EIF4G3: variants seen among roughly 807,000 people sequenced by gnomAD.
EIF4G3 encodes eIF-4-gamma 3.
Under a neutral mutation model 186.4 loss-of-function variants are expected in EIF4G3, and 34 were observed. The ratio of observed to expected loss-of-function variants is 0.18; its 90% CI spans 0.14 to 0.24. The LOEUF (loss-of-function observed/expected upper bound fraction) is 0.24. EIF4G3 is among the 10% of genes least tolerant of loss of function. EIF4G3 has a pLI of 1.00. For synonymous variants in EIF4G3, 673 were observed against 679.5 expected, an observed-to-expected ratio of 0.99 and a Z score of 0.15; for missense variants, 1,536 against 1,948.5, an observed-to-expected ratio of 0.79 and a Z score of 3.99.
chr1:21,051,469 G>C lies in EIF4G3; in HGVS notation c.-195-475C>G, dbSNP rs551178704. Among the ~76,000 whole-genome samples, 3 of 152,180 alleles carry C rather than the reference G, an allele frequency of 2.0e-5. No homozygotes were observed. The East Asian group carries it at 5.8e-4, about 29-fold the overall frequency. ...GACTTATGGACGTATACACTAAAAA[G>C]GGTGAATTTTACTAAATTACATCTC... On this transcript the variant is annotated intron_variant, in intron 3 of 36. Transcript: ENST00000602326.
intron 2 of EIF4G3, 146 bp from the exon 3 acceptor site, chr1:21,089,359 A>G: frequency 1.7e-6 from 1 of 595,150 alleles, no homozygotes; most frequent in East Asian, 2.9e-5. Flanking sequence ...TAAAAACCAA[A>G]TGTTTCAAAT....
intron 14 of EIF4G3, among the ~76,000 whole-genome samples, chr1:20,926,850 G>A (rs895131820): frequency 2.6e-5 from 4 of 151,700 alleles, no homozygotes; most frequent in South Asian, 2.1e-4. Context: ...AAAAGCTCTC[G>A]GGGATAACAG....
In EIF4G3 at chr1:20,849,542, GCCCCC is replaced by G. The variant is rs752046857; in HGVS notation, c.3773-17_3773-13del. The G allele has an allele frequency of 1.4e-6, 2 of 1,387,654 alleles. No homozygotes were observed. Among genetic ancestry groups the G allele is most frequent in the African/African-American group, 3.0e-5 (2 of 66,800 alleles). 86.0% of individuals were successfully genotyped at this position (1,387,654 alleles called of 1,614,324 possible). A position where few individuals can be genotyped will look rare whatever the true frequency, so the allele number is the denominator to read the frequency against. On this transcript the variant is annotated splice_polypyrimidine_tract_variant and intron_variant, in intron 28 of 36. Coordinates refer to ENST00000602326, the MANE Select transcript of EIF4G3 (RefSeq NM_001391906.1). ...AATTTCTGGTTTTGCTATTAGTGAG[GCCCCC>G]CAAAAAAAGTAAAAATAATAAAAAT...
intron 8 of EIF4G3, among the ~76,000 whole-genome samples, chr1:20,981,663 ACGCACATAC>A (rs2078217126): frequency 7.6e-6 from 1 of 132,216 alleles, no homozygotes; most frequent in African/African-American, 2.8e-5. Context: ...ATACATGTAT[ACGCACATAC>A]TGTATGTATA....
At chr1:20,874,058 T>A (rs1001348386) in intron 20 of EIF4G3, among the ~76,000 whole-genome samples, 5 of 152,224 alleles carry the variant, frequency 3.3e-5, no homozygotes, top group Non-Finnish European at 7.3e-5. Flanking sequence ...CCATGGTGTA[T>A]ATGTACCACA....
intron 6 of EIF4G3, among the ~76,000 whole-genome samples, chr1:21,000,303 G>T (rs2083216155): frequency 6.6e-6 from 1 of 152,104 alleles, no homozygotes; most frequent in Admixed American, 6.5e-5. Context: ...CTGAAGGAAG[G>T]ACAGAGGCCA....
At chr1:20,842,871 G>C (rs375693112) in intron 29 of EIF4G3, among the ~76,000 whole-genome samples, 1 of 148,520 alleles carries the variant, frequency 6.7e-6, no homozygotes, top group African/African-American at 2.5e-5. Context: ...AAGAGAGAAG[G>C]TCTCACTTAG....
intron 2 of EIF4G3, chr1:21,175,234 TG>T (rs937236955): frequency 2.0e-5 from 3 of 152,198 alleles, no homozygotes; most frequent in African/African-American, 7.2e-5. Context: ...GTGGAATACA[TG>T]AATTCAACGT....
chr1:21,021,314 TC>T (rs1301993877), intron 4 of EIF4G3, among the ~76,000 whole-genome samples: 1 of 152,050 alleles, frequency 6.6e-6, no homozygotes, highest in East Asian at 1.9e-4. Flanking sequence ...AGCTTCCCTT[TC>T]CCTTTTGAAA....
intron 12 of EIF4G3, among the ~76,000 whole-genome samples, chr1:20,962,797 C>A (rs986965660): frequency 6.6e-6 from 1 of 152,096 alleles, no homozygotes; most frequent in African/African-American, 2.4e-5. Context: ...TACTCTCAAC[C>A]CTTGAGCTTA....
rs146280560 is a variant in EIF4G3, at chr1:21,111,260, A to C, written c.-271-22047T>G. The C allele has an allele frequency of 1.6e-4, 75 of 470,114 alleles. No individual in the cohort carries two copies. The East Asian group carries it at 5.1e-3, about 32-fold the overall frequency. 29.1% of individuals were successfully genotyped at this position (470,114 alleles called of 1,614,324 possible). ...CTAACAAGTGGCACTCTACGAAGGC[A>C]TAGACTTTGAAGCTGGAAAAGACAA... On this transcript the variant is annotated intron_variant, in intron 2 of 36. Coordinates refer to ENST00000602326, the MANE Select transcript of EIF4G3 (RefSeq NM_001391906.1).
In EIF4G3 at chr1:20,829,553, A is replaced by G. The variant is rs76735228; in HGVS notation, c.4062-281T>C. 1.3e-3 allele frequency among the ~76,000 whole-genome samples: 205 copies of G among 152,316 alleles called. 4 individuals carry two copies. In the East Asian group the frequency reaches 0.036, roughly 27 times the overall value. ...AGGAGGTCAGAAAATACCTCCATAT[A>G]AAGGTGACATTTGAAAGCCTTAAAT... is the stretch of plus-strand genomic sequence containing the variant. On this transcript the variant is annotated intron_variant, in intron 30 of 36. Coordinates refer to ENST00000602326, the MANE Select transcript of EIF4G3 (RefSeq NM_001391906.1).
chr1:21,145,902 A>T (rs6689819), intron 2 of EIF4G3, among the ~76,000 whole-genome samples: 56,051 of 152,014 alleles, frequency 0.37, 10,967 homozygotes, highest in Non-Finnish European at 0.43. Context: ...CAACACAGCA[A>T]GACCTCATCT....
chr1:20,833,259 C>T (rs950735698), intron 30 of EIF4G3, among the ~76,000 whole-genome samples: 7 of 150,624 alleles, frequency 4.6e-5, no homozygotes, highest in Non-Finnish European at 1.0e-4. Flanking sequence ...AATGTTCTTC[C>T]ATTTGTTTGT....
At chr1:21,053,234 C>T (rs1486775745) in intron 3 of EIF4G3, among the ~76,000 whole-genome samples, 155 of 139,634 alleles carry the variant, frequency 1.1e-3, no homozygotes, top group African/African-American at 2.7e-3. Flanking sequence ...CCGGCCGCCC[C>T]GTCTGAGAAG....
intron 4 of EIF4G3, among the ~76,000 whole-genome samples, chr1:21,016,917 C>T (rs1451008642): frequency 1.3e-5 from 2 of 151,964 alleles, no homozygotes; most frequent in South Asian, 2.1e-4. Flanking sequence ...TGCAGTGAGC[C>T]GAGATCACGC....
chr1:20,873,999 G>A (rs975560442), intron 20 of EIF4G3, among the ~76,000 whole-genome samples: 5 of 152,064 alleles, frequency 3.3e-5, no homozygotes, highest in South Asian at 2.1e-4. Context: ...CTTCATCCAC[G>A]TCCCTGAAAA....
At chr1:21,006,026 T>C (rs2154569321) in intron 4 of EIF4G3, among the ~76,000 whole-genome samples, 1 of 152,326 alleles carries the variant, frequency 6.6e-6, no homozygotes, top group East Asian at 1.9e-4. Flanking sequence ...CAATATGGAA[T>C]GCTTAACGGT....
In EIF4G3 at chr1:20,862,302, C is replaced by T. The variant is rs754646748; in HGVS notation, c.3037G>A (p.Glu1013Lys). The change falls in exon 23 of 37, where the codon GAG becomes AAG. Residue 1013 changes from glutamate (E) to lysine (K), a missense_variant. Physicochemically the swap from Glu to Lys is moderately conservative, Grantham distance 56. Coordinates refer to ENST00000602326, the MANE Select transcript of EIF4G3 (RefSeq NM_001391906.1). ...GTTTTTCTTTCTTTCACAATTTTCT[C>T]CATCTGATTAAAGTACTGGTCCATA... ...PRMDQYFNQM[E>K]KIVKERKTSS... 9.9e-6 allele frequency: 16 copies of T among 1,612,444 alleles called. No individual in the cohort carries two copies. Among genetic ancestry groups the T allele is most frequent in the Non-Finnish European group, 1.4e-5 (16 of 1,179,038 alleles).
Sources: allele counts gnomAD v4.1 joint callset (sites outside exome capture counted in the v4.1 genomes callset), GRCh38; gene constraint gnomAD v4.1.1; transcripts MANE v1.5; gene names NCBI Gene and HGNC (gene_info 2026-07-23, HGNC 2026-07-21).